The following CCSER1 variants were observed in gnomAD, a reference collection of about 807,000 sequenced individuals.
CCSER1 encodes coiled-coil serine rich protein 1, also known as serine-rich coiled-coil domain-containing protein 1.
A neutral mutation model predicts 82.0 loss-of-function variants in CCSER1; 41 were observed. The ratio of observed to expected loss-of-function variants is 0.50; its 90% CI spans 0.39 to 0.65. CCSER1 has a LOEUF of 0.65. CCSER1 is among the 30% of genes least tolerant of loss of function. CCSER1 has a pLI of 0.00. For missense variants in CCSER1, 1,119 were observed against 1,064.2 expected (o/e 1.05, Z -0.72); for synonymous variants, 414 against 383.9 (o/e 1.08, Z -0.92).
At chr4:91,311,342 G>C (rs1371791474) in intron 10 of CCSER1, among the ~76,000 whole-genome samples, 2 of 151,880 alleles carry the variant, frequency 1.3e-5, no homozygotes, top group African/African-American at 4.8e-5. Flanking sequence ...CTATTGGCAA[G>C]AGCTATCAAA....
Position 90,308,756 on chromosome 4 carries a change from G to A in CCSER1, c.472G>A (p.Glu158Lys). The A allele has an allele frequency of 1.2e-6, 2 of 1,613,824 alleles. No individual in the cohort carries two copies. The highest frequency in any genetic ancestry group is 1.7e-6 in the Non-Finnish European group (2 of 1,179,840). ...AAATTGTCTAAGTTCTGGCAAAAGT[G>A]AAGGGGATGATTCTGGTTTCACAGA... ...FINCLSSGKS[E>K]GDDSGFTEDQ... The change falls in exon 2 of 11, where the codon GAA (glutamate) becomes AAA (lysine). Residue 158 changes from glutamate (E) to lysine (K), a missense_variant. Physicochemically the swap from Glu to Lys is moderately conservative, Grantham distance 56 (BLOSUM62 1). Transcript: ENST00000509176.
Position 90,458,098 on chromosome 4 carries a change from G to A in CCSER1, c.1604-10136G>A, listed in dbSNP as rs192239523. On this transcript the variant is annotated intron_variant, in intron 4 of 10. Coordinates refer to ENST00000509176, the MANE Select transcript of CCSER1 (RefSeq NM_001145065.2). ...ATCAGGGAAATTTCAGGCAGCAGGA[G>A]CCTGCTGAGATCAGGGGAATTCCTG... Among the ~76,000 whole-genome samples the A allele has an allele frequency of 5.1e-4, 78 of 152,262 alleles. No individual in the cohort carries two copies. In the East Asian group the frequency reaches 0.014, roughly 28 times the overall value.
intron 3 of CCSER1, among the ~76,000 whole-genome samples, chr4:90,379,350 A>G (rs545554559): frequency 6.6e-6 from 1 of 152,340 alleles, no homozygotes; most frequent in South Asian, 2.1e-4. Flanking sequence ...TGGCTCTAAC[A>G]TAACTCCAAA....
intron 10 of CCSER1, among the ~76,000 whole-genome samples, chr4:91,460,493 C>T (rs572886196): frequency 3.3e-5 from 5 of 151,962 alleles, no homozygotes; most frequent in Non-Finnish European, 7.4e-5. Flanking sequence ...AGCCCTGTAC[C>T]CAGGAAGAAG....
chr4:91,380,040 C>T (rs888267312), intron 10 of CCSER1, among the ~76,000 whole-genome samples: 7 of 152,220 alleles, frequency 4.6e-5, no homozygotes, highest in African/African-American at 9.6e-5. Context: ...GTTCAGTTTC[C>T]GTGTAGTTGA....
chr4:90,923,086 A>T (rs72665427), intron 8 of CCSER1, among the ~76,000 whole-genome samples: 2 of 152,050 alleles, frequency 1.3e-5, no homozygotes, highest in African/African-American at 4.8e-5. Flanking sequence ...CAAAGCATAG[A>T]CATTTGGTCT....
intron 10 of CCSER1, among the ~76,000 whole-genome samples, chr4:91,258,180 T>C (rs1354847228): frequency 6.6e-6 from 1 of 152,134 alleles, no homozygotes; most frequent in Non-Finnish European, 1.5e-5. Context: ...TGTGATCATT[T>C]CGAGTCAGCT....
intron 10 of CCSER1, among the ~76,000 whole-genome samples, chr4:91,100,263 A>G (rs1320052287): frequency 6.6e-6 from 1 of 152,180 alleles, no homozygotes; most frequent in Non-Finnish European, 1.5e-5. Flanking sequence ...CAAGACCATA[A>G]TAATTGTTCC....
At chr4:91,469,491 C>A (rs549933562) in intron 10 of CCSER1, among the ~76,000 whole-genome samples, 1 of 152,232 alleles carries the variant, frequency 6.6e-6, no homozygotes, top group African/African-American at 2.4e-5. Flanking sequence ...TTGGGGCACC[C>A]CAAAACTAGC....
At chr4:90,904,734 T>C (rs17017794) in intron 8 of CCSER1, among the ~76,000 whole-genome samples, 6,811 of 152,202 alleles carry the variant, frequency 0.045, 292 homozygotes, top group East Asian at 0.23. Flanking sequence ...ATGTAAAGAT[T>C]CCTTGTGTTC....
intron 10 of CCSER1, among the ~76,000 whole-genome samples, chr4:91,230,623 G>A (rs538314329): frequency 3.3e-5 from 5 of 151,870 alleles, no homozygotes; most frequent in African/African-American, 9.6e-5. Flanking sequence ...TGTCATGGGT[G>A]TGGAGGAAAA....
chr4:91,447,895 C>T (rs913583791), intron 10 of CCSER1, among the ~76,000 whole-genome samples: 1 of 151,924 alleles, frequency 6.6e-6, no homozygotes, highest in South Asian at 2.1e-4. Context: ...ATTTTTTCTC[C>T]TATTGTCTCA....
chr4:90,972,529 A>G (rs1391757340), intron 9 of CCSER1, among the ~76,000 whole-genome samples: 2 of 151,888 alleles, frequency 1.3e-5, no homozygotes, highest in Admixed American at 6.6e-5. Context: ...TGAAGATGAC[A>G]TAAATAAATG....
At chr4:90,481,495 T>C (rs1187964078) in intron 5 of CCSER1, among the ~76,000 whole-genome samples, 1 of 152,164 alleles carries the variant, frequency 6.6e-6, no homozygotes, top group Admixed American at 6.5e-5. Context: ...CAGTATGATA[T>C]GGCTGTGGGT....
intron 3 of CCSER1, among the ~76,000 whole-genome samples, chr4:90,366,379 T>C (rs1345793360): frequency 6.6e-6 from 1 of 151,766 alleles, no homozygotes; most frequent in Non-Finnish European, 1.5e-5. Context: ...AAATTGTAAA[T>C]TAACAATTCA....
At chr4:91,132,173 A>T (rs1290454415) in intron 10 of CCSER1, among the ~76,000 whole-genome samples, 1 of 152,072 alleles carries the variant, frequency 6.6e-6, no homozygotes, top group African/African-American at 2.4e-5. Context: ...ACAGAAGTTT[A>T]AATTGGCTTG....
intron 10 of CCSER1, among the ~76,000 whole-genome samples, chr4:91,191,200 C>A (rs992041100): frequency 6.6e-6 from 1 of 152,134 alleles, no homozygotes; most frequent in Non-Finnish European, 1.5e-5. Context: ...AGCTAACTGC[C>A]TTACCTGTGC....
intron 9 of CCSER1, among the ~76,000 whole-genome samples, chr4:91,045,372 T>G (rs1742358587): frequency 6.6e-6 from 1 of 152,226 alleles, no homozygotes; most frequent in Non-Finnish European, 1.5e-5. Flanking sequence ...TCAAGTGTCT[T>G]AGAAAAGATT....
intron 10 of CCSER1, among the ~76,000 whole-genome samples, chr4:91,502,324 C>T (rs1759251784): frequency 6.6e-6 from 1 of 152,158 alleles, no homozygotes; most frequent in Admixed American, 6.6e-5. Flanking sequence ...TTAAGCCTCT[C>T]ATTTTTAATT....
Sources: gnomAD v4.1 joint callset for allele counts (sites outside exome capture counted in the v4.1 genomes callset) on GRCh38, gnomAD v4.1.1 for gene constraint, MANE v1.5 for transcripts, NCBI Gene and HGNC (gene_info 2026-07-23, HGNC 2026-07-21) for gene names.